TLK1: variants seen among roughly 807,000 people sequenced by gnomAD.
TLK1 encodes tousled like kinase 1, also known as serine/threonine-protein kinase tousled-like 1.
TLK1 carries 24 observed loss-of-function variants against 105.3 expected under a neutral mutation model. The ratio of observed to expected loss-of-function variants is 0.23; its 90% CI spans 0.17 to 0.32. TLK1 has a LOEUF of 0.32. Among genes scored for constraint, TLK1 ranks in the 10% least tolerant of loss-of-function variants. The pLI, the probability that TLK1 is intolerant of heterozygous loss-of-function variation, is 1.00. For synonymous variants in TLK1, 321 were observed against 310.4 expected (o/e 1.03, Z -0.36); for missense variants, 558 against 910.5 (o/e 0.61, Z 4.98).
chr2:171,011,945 T>TAA (rs144027963), intron 13 of TLK1, among the ~76,000 whole-genome samples: 5 of 150,276 alleles, frequency 3.3e-5, no homozygotes, highest in Middle Eastern at 6.8e-3. Context: ...TTTTTAAAAT[T>TAA]AAAAAAAAAA....
At chr2:171,098,596 A>G (rs1341921306) in intron 2 of TLK1, among the ~76,000 whole-genome samples, 1 of 152,220 alleles carries the variant, frequency 6.6e-6, no homozygotes, top group African/African-American at 2.4e-5. Context: ...TCTTCCAAAG[A>G]ACAGAAGGAA....
In TLK1 at chr2:171,065,304, T is replaced by TA. The variant is rs146106828; in HGVS notation, c.331-4149dup. Among the ~76,000 whole-genome samples the TA allele has an allele frequency of 5.2e-4, 79 of 152,326 alleles. 1 individual carries two copies. In the East Asian group the frequency reaches 0.015, roughly 29 times the overall value. On this transcript the variant is annotated intron_variant, in intron 3 of 20. Transcript: ENST00000431350. The stretch of plus-strand genomic sequence containing the variant: ...TTGTTCTTCATTGGGCCTCACTGAA[T>TA]AGACAACAAAAATCAGGTATCATCA...
chr2:171,200,657 C>T (rs1693381595), intron 1 of TLK1, among the ~76,000 whole-genome samples: 1 of 152,034 alleles, frequency 6.6e-6, no homozygotes, highest in Non-Finnish European at 1.5e-5. Flanking sequence ...CTATAGTGTG[C>T]CATGATAGTA....
intron 3 of TLK1, among the ~76,000 whole-genome samples, chr2:171,065,327 T>A (rs949343226): frequency 2.0e-5 from 3 of 152,226 alleles, no homozygotes; most frequent in Non-Finnish European, 4.4e-5. Flanking sequence ...TCAGGTATCA[T>A]CATCTCTAAT....
At chr2:171,202,990 G>C (rs1693432821) in intron 1 of TLK1, among the ~76,000 whole-genome samples, 1 of 151,768 alleles carries the variant, frequency 6.6e-6, no homozygotes, top group Non-Finnish European at 1.5e-5. Context: ...GTAAACAATG[G>C]ATTCTCTCTC....
At chr2:171,171,913 C>G (rs1446341991) in intron 1 of TLK1, among the ~76,000 whole-genome samples, 2 of 152,120 alleles carry the variant, frequency 1.3e-5, no homozygotes, top group Non-Finnish European at 2.9e-5. Context: ...CAATTTCATT[C>G]CTAGGTATAT....
intron 14 of TLK1, among the ~76,000 whole-genome samples, chr2:171,008,209 G>A (rs1464418801): frequency 3.3e-5 from 5 of 152,052 alleles, no homozygotes; most frequent in African/African-American, 4.8e-5. Flanking sequence ...AATCAGATTA[G>A]CTTATTAGCT....
chr2:171,151,714 A>T lies in TLK1; in HGVS notation c.139+8576T>A, dbSNP rs1236416295. Among the ~76,000 whole-genome samples the T allele has an allele frequency of 2.0e-5, 3 of 152,008 alleles. No homozygotes were observed. The East Asian group carries it at 5.8e-4, about 30-fold the overall frequency. ...ATGGTCTCGATCTCCTGACCTCGTGATCCGCCCGCCTCAGCCTCCCAAAGT... is the reference window on the plus strand; with the variant it reads ...ATGGTCTCGATCTCCTGACCTCGTGTTCCGCCCGCCTCAGCCTCCCAAAGT... On this transcript the variant is annotated intron_variant, in intron 1 of 20. Coordinates refer to ENST00000431350, the MANE Select transcript of TLK1 (RefSeq NM_012290.5).
intron 1 of TLK1, among the ~76,000 whole-genome samples, chr2:171,137,266 AGT>A (rs1691363860): frequency 3.3e-5 from 5 of 152,034 alleles, no homozygotes; most frequent in Non-Finnish European, 5.9e-5. Context: ...TGGGTGACAG[AGT>A]GAGACCCTGT....
At chr2:171,207,598 G>C (rs13430610) in intron 1 of TLK1, among the ~76,000 whole-genome samples, 1,525 of 152,302 alleles carry the variant, frequency 0.01, 31 homozygotes, top group African/African-American at 0.035. Context: ...GACAGTAGGG[G>C]AGGTTGGGCA....
At chr2:171,056,336 G>T (rs1266606929) in intron 6 of TLK1, 135 bp downstream of exon 6, 2 of 586,298 alleles carry the variant, frequency 3.4e-6, no homozygotes, top group East Asian at 6.6e-5. Context: ...TCATGTCACA[G>T]AAATAATGTA....
intron 2 of TLK1, among the ~76,000 whole-genome samples, chr2:171,090,971 T>C (rs1689202725): frequency 6.6e-6 from 1 of 152,216 alleles, no homozygotes; most frequent in South Asian, 2.1e-4. Context: ...TATTAGGCCA[T>C]ACAGATACAA....
At chr2:171,149,756 A>G (rs1313276814) in intron 1 of TLK1, among the ~76,000 whole-genome samples, 1 of 152,146 alleles carries the variant, frequency 6.6e-6, no homozygotes, top group Non-Finnish European at 1.5e-5. Flanking sequence ...AAGTTAAAAA[A>G]TCAGCAGGAT....
At chr2:171,161,859 A>G (rs946060625), upstream of TLK1, among the ~76,000 whole-genome samples, 2 of 146,260 alleles carry the variant, frequency 1.4e-5, no homozygotes, top group Admixed American at 6.8e-5. Context: ...CTTCTTGTAC[A>G]TAAAAGAGCA....
chr2:171,009,290 C>CTTTT (rs1684792876), intron 14 of TLK1, among the ~76,000 whole-genome samples: 1 of 84,480 alleles, frequency 1.2e-5, no homozygotes, highest in African/African-American at 5.4e-5. Context: ...GATTTCTTTT[C>CTTTT]CTTTTTTTTT....
intron 1 of TLK1, among the ~76,000 whole-genome samples, chr2:171,122,418 C>T (rs1240690514): frequency 6.6e-6 from 1 of 152,166 alleles, no homozygotes; most frequent in Admixed American, 6.6e-5. Flanking sequence ...CACCAAGATG[C>T]TTATAAGAAA....
intron 11 of TLK1, 127 bp from the exon 12 acceptor site, chr2:171,028,532 CA>C (rs1559351964): frequency 1.7e-6 from 1 of 606,042 alleles, no homozygotes; most frequent in East Asian, 2.9e-5. Flanking sequence ...ATGTATGAGC[CA>C]AAAATCCTTT....
intron 2 of TLK1, among the ~76,000 whole-genome samples, chr2:171,092,418 TATC>T (rs949071991): frequency 5.3e-5 from 8 of 152,208 alleles, no homozygotes; most frequent in African/African-American, 1.9e-4. Flanking sequence ...TCCACATTCT[TATC>T]AGCACCACCA....
intron 1 of TLK1, among the ~76,000 whole-genome samples, chr2:171,192,118 T>C (rs1693166413): frequency 6.6e-6 from 1 of 152,100 alleles, no homozygotes; most frequent in South Asian, 2.1e-4. Flanking sequence ...AGCTTTGACC[T>C]CCCGGGCCCA....
Sources: gnomAD v4.1 joint callset for allele counts (sites outside exome capture counted in the v4.1 genomes callset) on GRCh38, gnomAD v4.1.1 for gene constraint, MANE v1.5 for transcripts, NCBI Gene and HGNC (gene_info 2026-07-23, HGNC 2026-07-21) for gene names.